ANKK1: variants seen among roughly 807,000 people sequenced by gnomAD.
ANKK1 encodes ankyrin repeat and protein kinase domain-containing protein 1.
A neutral mutation model predicts 37.6 loss-of-function variants in ANKK1; 37 were observed. The observed-to-expected ratio is 0.98, with a 90% CI of 0.76 to 1.29. The LOEUF (loss-of-function observed/expected upper bound fraction) is 1.29, where lower values mean the gene tolerates loss of function less well. Among genes scored for constraint, ANKK1 ranks in the 50% most tolerant of loss-of-function variants. The pLI is 0.00. For synonymous variants in ANKK1, 415 were observed against 418.7 expected, an observed-to-expected ratio of 0.99 and a Z score of 0.11; for missense variants, 1,019 against 990.6, an observed-to-expected ratio of 1.03 and a Z score of -0.39.
Position 113,399,026 on chromosome 11 carries a change from G to T in ANKK1, c.1057G>T (p.Asp353Tyr), listed in dbSNP as rs760664294. 2 of 1,602,220 alleles carry T rather than the reference G, an allele frequency of 1.2e-6. No individual in the cohort carries two copies. Among genetic ancestry groups the T allele is most frequent in the East Asian group, 2.3e-5 (1 of 44,402 alleles). ...CGACCGTAAGAATTTGGTCCCGAGA[G>T]ATGAGGAACTGTGTATCTATGAGAA... ...LSDRKNLVPR[D>Y]EELCIYENKV... Residue 353 changes from aspartate to tyrosine, a missense_variant, in exon 8 of 8, where the codon GAT (aspartate) becomes TAT (tyrosine). Asp to Tyr is a radical substitution (Grantham distance 160). Transcript: ENST00000303941.
At position 113,399,353 on chromosome 11, in the gene ANKK1, T is replaced by C. The variant is rs757194170; in HGVS notation, c.1384T>C (p.Trp462Arg). The C allele has an allele frequency of 6.3e-7, 1 of 1,599,782 alleles. No individual in the cohort carries two copies. Among genetic ancestry groups the C allele is most frequent in the Non-Finnish European group, 8.5e-7 (1 of 1,173,560 alleles). The change falls in exon 8 of 8, where the codon TGG becomes CGG. Residue 462 changes from tryptophan to arginine, a missense_variant. Coordinates refer to ENST00000303941, the MANE Select transcript of ANKK1 (RefSeq NM_178510.2). The stretch of plus-strand genomic sequence containing the variant: ...TGTGGATGCCCAGGAACGTGAAGGG[T>C]GGACCCCTCTTCACCTGGCTGCACA... ...ACVDAQEREG[W>R]TPLHLAAQNN...
rs752026138 is a variant in ANKK1, at chr11:113,393,655, G to A, written c.360G>A (p.Arg120=). The A allele has an allele frequency of 1.1e-4, 175 of 1,613,782 alleles. 1 individual carries two copies. The highest frequency in any genetic ancestry group is 6.5e-4 in the East Asian group (29 of 44,894). The change falls in exon 2 of 8, where the codon AGG becomes AGA. Residue 120 remains arginine, a synonymous_variant. Coordinates refer to ENST00000303941, the MANE Select transcript of ANKK1 (RefSeq NM_178510.2). ...CCCACAGCCTCTGCTGGAAGCTCAG[G>A]TTCCGCATCATCCATGAGACCAGCT... ...LSTHSLCWKL[R]FRIIHETSLA... is the part of the protein sequence containing the mutation.
chr11:113,399,518 G>A lies in ANKK1; in HGVS notation c.1549G>A (p.Gly517Arg). 6.3e-7 allele frequency: 1 copy of A among 1,595,244 alleles called. No individual in the cohort carries two copies. Among genetic ancestry groups the A allele is most frequent in the Non-Finnish European group, 8.5e-7 (1 of 1,171,338 alleles). Residue 517 changes from glycine to arginine, a missense_variant, in exon 8 of 8, where the codon GGG (glycine) becomes AGG (arginine). Gly to Arg is a moderately radical substitution (Grantham distance 125). Transcript: ENST00000303941. ...CCTGGTCAAGCTGCTGACCAGCCAG[G>A]GGGCTGAGTTGGATGCTCAGCAGAG... ...VSLVKLLTSQ[G>R]AELDAQQRNL...
In ANKK1 at chr11:113,399,178, C is replaced by A. The variant is rs1038821661; in HGVS notation, c.1209C>A (p.Ala403=). ...GATACACGCCCCTCCTGATCGCCGC[C>A]CAGGACCAGCAACCCGACCTCTGTG... ...ASGYTPLLIA[A]QDQQPDLCAL... The change falls in exon 8 of 8, where the codon GCC becomes GCA. Residue 403 remains alanine (A), a synonymous_variant. Transcript: ENST00000303941. 6 of 1,600,244 alleles carry A rather than the reference C, an allele frequency of 3.7e-6. No individual in the cohort carries two copies. Among genetic ancestry groups the A allele is most frequent in the Non-Finnish European group, 4.3e-6 (5 of 1,173,704 alleles).
rs373295480 is a variant in ANKK1, at chr11:113,394,971, C to T, written c.523C>T (p.Arg175Trp). 5.0e-5 allele frequency: 80 copies of T among 1,613,344 alleles called. No homozygotes were observed. In the Middle Eastern group the frequency reaches 6.6e-4, roughly 13 times the overall value. The change falls in exon 3 of 8, where the codon CGG becomes TGG. Residue 175 changes from arginine to tryptophan, a missense_variant. Physicochemically the swap from Arg to Trp is moderately radical, Grantham distance 101 (BLOSUM62 -3). Coordinates refer to ENST00000303941, the MANE Select transcript of ANKK1 (RefSeq NM_178510.2). ...GTCCAAGTGGATGGAACAGTCCACC[C>T]GGATGCAGTACATCGAGAGGTCGGC... is the stretch of plus-strand genomic sequence containing the variant. ...GLSKWMEQST[R>W]MQYIERSALR...
chr11:113,396,121 T>C lies in ANKK1; in HGVS notation c.737T>C (p.Leu246Pro). The change falls in exon 5 of 8, where the codon CTA (leucine) becomes CCA (proline). Residue 246 changes from leucine (L) to proline (P), a missense_variant. By Grantham distance (98) the Leu-to-Pro change is moderately conservative. Coordinates refer to ENST00000303941, the MANE Select transcript of ANKK1 (RefSeq NM_178510.2). ...GTGGCGGCAGGCATGCGGCCCTCCC[T>C]ACAGCCTGTCTCTGACCAATGGCCA... The part of the protein sequence containing the change: ...IRVAAGMRPS[L>P]QPVSDQWPSE... The C allele has an allele frequency of 1.2e-6, 2 of 1,614,000 alleles. No individual in the cohort carries two copies. Among genetic ancestry groups the C allele is most frequent in the Non-Finnish European group, 8.5e-7 (1 of 1,179,892 alleles).
intron 1 of ANKK1, among the ~76,000 whole-genome samples, chr11:113,388,707 C>T (rs1950566028): frequency 6.6e-6 from 1 of 152,236 alleles, no homozygotes; most frequent in Admixed American, 6.5e-5. Context: ...ACTACAGCGA[C>T]GCCTTGACAT....
At chr11:113,392,734 T>G (rs1441424977) in intron 1 of ANKK1, among the ~76,000 whole-genome samples, 2 of 152,252 alleles carry the variant, frequency 1.3e-5, no homozygotes, top group Non-Finnish European at 2.9e-5. Flanking sequence ...CAAAGATGTA[T>G]TGTGCAATGC....
In ANKK1 at chr11:113,397,987, A is replaced by G; in HGVS notation, c.965A>G (p.Glu322Gly). The change falls in exon 7 of 8, where the codon GAG (glutamate) becomes GGG (glycine). Residue 322 changes from glutamate to glycine, a missense_variant. Physicochemically the swap from Glu to Gly is moderately conservative, Grantham distance 98. Coordinates refer to ENST00000303941, the MANE Select transcript of ANKK1 (RefSeq NM_178510.2). ...LSLRQPGEVN[E>G]DISQELMDSD... The stretch of plus-strand genomic sequence containing the variant: ...CTGGTTATGCCTCCCCAGGTTAATG[A>G]GGACATCAGCCAGGAACTGATGGAC... 3.2e-6 allele frequency: 5 copies of G among 1,562,692 alleles called. No homozygotes were observed. Among genetic ancestry groups the G allele is most frequent in the South Asian group, 1.2e-5 (1 of 84,560 alleles).
chr11:113,395,344 T>C lies in ANKK1; in HGVS notation c.633-15T>C. The C allele has an allele frequency of 6.2e-7, 1 of 1,613,828 alleles. No homozygotes were observed. The highest frequency in any genetic ancestry group is 8.5e-7 in the Non-Finnish European group (1 of 1,179,826). On this transcript the variant is annotated splice_polypyrimidine_tract_variant and intron_variant, in intron 3 of 7. Transcript: ENST00000303941. ...TTCAACTAAGTCATTCAGAAAGGGT[T>C]CTCTGCATCCACAGCTTTGCAATTG...
Position 113,399,775 on chromosome 11 carries a change from C to T in ANKK1, c.1806C>T (p.Tyr602=), listed in dbSNP as rs953986849. 6.2e-7 allele frequency: 1 copy of T among 1,603,544 alleles called. No individual in the cohort carries two copies. Among genetic ancestry groups the T allele is most frequent in the Non-Finnish European group, 8.5e-7 (1 of 1,175,228 alleles). The change falls in exon 8 of 8, where the codon TAC becomes TAT. Residue 602 remains tyrosine, a synonymous_variant. Coordinates refer to ENST00000303941, the MANE Select transcript of ANKK1 (RefSeq NM_178510.2). ...QGWTPLHLAA[Y]KGHLEIIHLL... Reference sequence around the variant, plus strand: ...GGACACCCCTGCATCTAGCAGCCTACAAGGGCCACCTGGAGATCATCCATC... The same window carrying T: ...GGACACCCCTGCATCTAGCAGCCTATAAGGGCCACCTGGAGATCATCCATC...
Position 113,393,541 on chromosome 11 carries a change from C to T in ANKK1, c.246C>T (p.His82=), listed in dbSNP as rs764167206. The change falls in exon 2 of 8, where the codon CAC becomes CAT. Residue 82 remains histidine (H), a synonymous_variant. Transcript: ENST00000303941. ...AAATGAAGAAGATCAAGTTTCAGCA[C>T]ATCGTGTCTATCTACGGGGTGTGCA... ...AAKMKKIKFQ[H]IVSIYGVCKQ... is the part of the protein sequence containing the mutation. The T allele has an allele frequency of 1.7e-5, 27 of 1,613,892 alleles. No individual in the cohort carries two copies. In the Admixed American group the frequency reaches 2.8e-4, roughly 17 times the overall value.
chr11:113,397,441 A>G, intron 6 of ANKK1, 99 bp downstream of exon 6: 1 of 1,015,654 alleles, frequency 9.8e-7, no homozygotes, highest in South Asian at 1.6e-5. Context: ...ACTCATGCAC[A>G]GCCCAGCTTG....
At chr11:113,395,981 G>A in intron 4 of ANKK1, 86 bp from the exon 5 acceptor site, 6 of 1,514,632 alleles carry the variant, frequency 4.0e-6, no homozygotes, top group South Asian at 2.5e-5. Context: ...ATGCCCTGTT[G>A]GGATCCTCAG....
chr11:113,400,203 A>T lies in ANKK1; in HGVS notation c.2234A>T (p.Glu745Val). 1 of 1,556,836 alleles carries T rather than the reference A, an allele frequency of 6.4e-7. No homozygotes were observed. The highest frequency in any genetic ancestry group is 8.7e-7 in the Non-Finnish European group (1 of 1,150,986). ...SRKQGIMSFL[E>V]GKEPSVATLG... ...AAGCAGGGCATCATGTCCTTCCTAG[A>T]GGGCAAGGAGCCGTCAGTGGCCACT... Residue 745 changes from glutamate (E) to valine (V), a missense_variant, in exon 8 of 8, where the codon GAG (glutamate) becomes GTG (valine). Coordinates refer to ENST00000303941, the MANE Select transcript of ANKK1 (RefSeq NM_178510.2).
At chr11:113,391,275 C>T (rs897093648) in intron 1 of ANKK1, among the ~76,000 whole-genome samples, 17 of 152,224 alleles carry the variant, frequency 1.1e-4, no homozygotes, top group Non-Finnish European at 1.5e-4. Flanking sequence ...GGTCAGCAAG[C>T]TATGCCTGGC....
At chr11:113,391,538 T>G (rs1950587419) in intron 1 of ANKK1, among the ~76,000 whole-genome samples, 1 of 152,072 alleles carries the variant, frequency 6.6e-6, no homozygotes, top group African/African-American at 2.4e-5. Flanking sequence ...GACAGTATTT[T>G]GAAGGTGGTG....
In ANKK1 at chr11:113,387,953, C is replaced by A. The variant is rs879145580; in HGVS notation, c.69C>A (p.Gly23=). The A allele has an allele frequency of 4.4e-6, 7 of 1,573,960 alleles. No individual in the cohort carries two copies. In the African/African-American group the frequency reaches 9.4e-5, roughly 21 times the overall value. ...TCTTCACCCGCGACGACTTCGAGGGCGACTGGCGCCTAGTGGCCAGCGGCG... is the reference window on the plus strand; with the variant it reads ...TCTTCACCCGCGACGACTTCGAGGGAGACTGGCGCCTAGTGGCCAGCGGCG... ...LPVFTRDDFE[G]DWRLVASGGF... The change falls in exon 1 of 8, where the codon GGC becomes GGA. Residue 23 remains glycine, a synonymous_variant. Coordinates refer to ENST00000303941, the MANE Select transcript of ANKK1 (RefSeq NM_178510.2).
At chr11:113,395,257 C>G in intron 3 of ANKK1, 102 bp from the exon 4 acceptor site, 1 of 1,531,376 alleles carries the variant, frequency 6.5e-7, no homozygotes, top group South Asian at 1.2e-5. Context: ...TGAGGCTTGC[C>G]TGGGACTGTG....
Sources: gnomAD v4.1 joint callset for allele counts (sites outside exome capture counted in the v4.1 genomes callset) on GRCh38, gnomAD v4.1.1 for gene constraint, MANE v1.5 for transcripts, NCBI Gene and HGNC (gene_info 2026-07-23, HGNC 2026-07-21) for gene names.